Variants in CYP2C19 observed in about 807,000 individuals in gnomAD.
CYP2C19 encodes the protein cytochrome P450 2C19.
In CYP2C19, 59 loss-of-function variants were observed where a neutral mutation model predicts 40.9. That is an observed-to-expected ratio of 1.44 (90% CI 1.17 to 1.79). The LOEUF (loss-of-function observed/expected upper bound fraction) is 1.79, where lower values mean the gene tolerates loss of function less well. Ranked by LOEUF, CYP2C19 falls within the 40% of genes most tolerant of loss-of-function variation. CYP2C19 has a pLI of 0.00. For synonymous variants in CYP2C19, 253 were observed against 208.7 expected (o/e 1.21, Z -1.83); for missense variants, 754 against 596.9 (o/e 1.26, Z -2.74).
At chr10:94,786,597 G>A (rs1035995596) in intron 5 of CYP2C19, among the ~76,000 whole-genome samples, 6 of 152,050 alleles carry the variant, frequency 3.9e-5, no homozygotes, top group Admixed American at 6.6e-5. Flanking sequence ...TGGGTTTATT[G>A]TGTGATGCTG....
At chr10:94,848,030 C>G (rs1849599026) in intron 7 of CYP2C19, among the ~76,000 whole-genome samples, 1 of 152,106 alleles carries the variant, frequency 6.6e-6, no homozygotes, top group African/African-American at 2.4e-5. Context: ...TGTAGGTTGC[C>G]TATTCACTCT....
chr10:94,815,610 C>A (rs1226436896), intron 5 of CYP2C19, among the ~76,000 whole-genome samples: 2 of 152,220 alleles, frequency 1.3e-5, no homozygotes, highest in Non-Finnish European at 2.9e-5. Flanking sequence ...TCCCTGTGGG[C>A]AATTAATGTC....
intron 3 of CYP2C19, among the ~76,000 whole-genome samples, chr10:94,778,769 A>G (rs1344495937): frequency 6.6e-6 from 1 of 152,176 alleles, no homozygotes; most frequent in African/African-American, 2.4e-5. Flanking sequence ...CTGGGTATAT[A>G]CCCAAAGGGC....
intron 1 of CYP2C19, among the ~76,000 whole-genome samples, chr10:94,763,232 A>T (rs7918461): frequency 0.2 from 30,560 of 152,104 alleles, 3,290 homozygotes; most frequent in Middle Eastern, 0.23. Context: ...GTCCTCTACT[A>T]TATTAGCCAT....
At position 94,796,740 on chromosome 10, in the gene CYP2C19, T is replaced by C. The variant is rs1564667901; in HGVS notation, c.819+14743T>C. On this transcript the variant is annotated intron_variant, in intron 5 of 8. Coordinates refer to ENST00000371321, the MANE Select transcript of CYP2C19 (RefSeq NM_000769.4). The stretch of plus-strand genomic sequence containing the variant: ...CTCCTAAGTTGGATTCTTAGGTATT[T>C]TACTCTCTTTGAAGCAGTTGTGAAT... Among the ~76,000 whole-genome samples the C allele has an allele frequency of 3.3e-5, 5 of 152,286 alleles. No homozygotes were observed. The South Asian group carries it at 1.0e-3, about 32-fold the overall frequency.
chr10:94,820,776 A>C (rs552984665), intron 6 of CYP2C19, 139 bp downstream of exon 6: 1 of 1,105,768 alleles, frequency 9.0e-7, no homozygotes, highest in South Asian at 1.5e-5. Flanking sequence ...GTCCCAATTT[A>C]ATGGTGTGAT....
At chr10:94,820,356 C>T (rs1849095582) in intron 5 of CYP2C19, 140 bp from the exon 6 acceptor site, 3 of 949,930 alleles carry the variant, frequency 3.2e-6, no homozygotes, top group Admixed American at 2.2e-5. Context: ...TCTCTCACCG[C>T]TCCTATTCAA....
intron 5 of CYP2C19, among the ~76,000 whole-genome samples, chr10:94,810,709 A>T (rs1230670390): frequency 1.3e-5 from 2 of 151,932 alleles, no homozygotes; most frequent in Non-Finnish European, 2.9e-5. Flanking sequence ...GGTAGTTTGT[A>T]TTTCTGTAGG....
chr10:94,802,133 T>C (rs1280296260), intron 5 of CYP2C19, among the ~76,000 whole-genome samples: 1 of 148,690 alleles, frequency 6.7e-6, no homozygotes, highest in East Asian at 1.9e-4. Flanking sequence ...TTGGTCCATT[T>C]TTCAGAGCAC....
intron 5 of CYP2C19, among the ~76,000 whole-genome samples, chr10:94,811,953 G>GT (rs150497315): frequency 0.18 from 26,584 of 151,786 alleles, 2,571 homozygotes; most frequent in South Asian, 0.33. Context: ...AGTTGATGCA[G>GT]TTTTTTTATA....
intron 1 of CYP2C19, among the ~76,000 whole-genome samples, chr10:94,767,930 G>A (rs1330409572): frequency 2.0e-5 from 3 of 152,120 alleles, no homozygotes; most frequent in Non-Finnish European, 4.4e-5. Flanking sequence ...TCTAATGGGA[G>A]GTTCCACCTG....
In CYP2C19 at chr10:94,853,121, A is replaced by G; in HGVS notation, c.*207A>G. The G allele has an allele frequency of 1.7e-6, 1 of 579,562 alleles. No individual in the cohort carries two copies. Among genetic ancestry groups the G allele is most frequent in the Admixed American group, 3.1e-5 (1 of 32,122 alleles). The allele number at this position is 579,562 out of a possible 1,614,324, so 35.9% of individuals were successfully genotyped here. Reference sequence around the variant, plus strand: ...CCCATACTCTATAATAGTTACATTGAGTGCCACATAATGCTGATACTTGTC... The same window carrying G: ...CCCATACTCTATAATAGTTACATTGGGTGCCACATAATGCTGATACTTGTC... On this transcript the variant is annotated 3_prime_UTR_variant, in exon 9 of 9. Coordinates refer to ENST00000371321, the MANE Select transcript of CYP2C19 (RefSeq NM_000769.4).
rs1197858180 is a variant in CYP2C19, at chr10:94,775,374, T to A, written c.332-16T>A. 1 of 1,613,710 alleles carries A rather than the reference T, an allele frequency of 6.2e-7. No homozygotes were observed. Among genetic ancestry groups the A allele is most frequent in the Admixed American group, 1.7e-5 (1 of 60,028 alleles). On this transcript the variant is annotated splice_polypyrimidine_tract_variant and intron_variant, in intron 2 of 8. Transcript: ENST00000371321. Reference sequence around the variant, plus strand: ...GCCTGGGATCTCCCTCCTAGTTTCGTTTCTCTTCCTGTTAGGAATCGTTTT... The same window carrying A: ...GCCTGGGATCTCCCTCCTAGTTTCGATTCTCTTCCTGTTAGGAATCGTTTT...
intron 5 of CYP2C19, among the ~76,000 whole-genome samples, chr10:94,807,008 TG>T (rs1253152747): frequency 6.6e-6 from 1 of 152,172 alleles, no homozygotes; most frequent in Non-Finnish European, 1.5e-5. Context: ...TTTGTATAGC[TG>T]AAGTTTTGTA....
intron 6 of CYP2C19, among the ~76,000 whole-genome samples, chr10:94,831,816 T>G (rs1335633609): frequency 6.6e-6 from 1 of 152,326 alleles, no homozygotes; most frequent in South Asian, 2.1e-4. Flanking sequence ...TCTTGTCAGA[T>G]GAGTAGTTTG....
intron 6 of CYP2C19, among the ~76,000 whole-genome samples, chr10:94,829,208 C>T (rs1458239214): frequency 2.6e-5 from 4 of 152,124 alleles, no homozygotes; most frequent in Admixed American, 6.5e-5. Context: ...TGAACGTTGG[C>T]CTGCCGTGCT....
chr10:94,821,051 C>G (rs904127189), intron 6 of CYP2C19, among the ~76,000 whole-genome samples: 3 of 151,780 alleles, frequency 2.0e-5, no homozygotes, highest in Non-Finnish European at 4.4e-5. Context: ...CCATTGCACT[C>G]TAGCCTGGGT....
intron 6 of CYP2C19, among the ~76,000 whole-genome samples, chr10:94,830,529 G>A (rs530927640): frequency 7.2e-5 from 11 of 152,208 alleles, no homozygotes; most frequent in Admixed American, 1.3e-4. Flanking sequence ...CAGGGTGCAC[G>A]CACCCACTGA....
At chr10:94,809,127 T>C (rs1245723481) in intron 5 of CYP2C19, among the ~76,000 whole-genome samples, 1 of 152,200 alleles carries the variant, frequency 6.6e-6, no homozygotes, top group Admixed American at 6.5e-5. Flanking sequence ...ATAAGCCACT[T>C]TAACTGGGGT....
Sources: allele counts gnomAD v4.1 joint callset (sites outside exome capture counted in the v4.1 genomes callset), GRCh38; gene constraint gnomAD v4.1.1; transcripts MANE v1.5; gene names NCBI Gene and HGNC (gene_info 2026-07-23, HGNC 2026-07-21).